PRDM4: variants seen among roughly 807,000 people sequenced by gnomAD.
PRDM4 encodes PR/SET domain 4.
In PRDM4, 38 loss-of-function variants were observed where a neutral mutation model predicts 62.3. The observed-to-expected ratio is 0.61, with a 90% confidence interval of 0.47 to 0.80. The LOEUF (loss-of-function observed/expected upper bound fraction) is 0.80, where lower values mean the gene tolerates loss of function less well. PRDM4 is among the 30% of genes least tolerant of loss of function. The pLI is 0.00. For missense variants in PRDM4, 858 were observed against 997.1 expected, an observed-to-expected ratio of 0.86 and a Z score of 1.88; for synonymous variants, 339 against 348.2, an observed-to-expected ratio of 0.97 and a Z score of 0.30.
intron 5 of PRDM4, 113 bp from the exon 6 acceptor site, chr12:107,746,537 T>C (rs1260538835): frequency 8.7e-6 from 9 of 1,033,362 alleles, no homozygotes; most frequent in Non-Finnish European, 1.2e-5. Flanking sequence ...CAGGCTGGAG[T>C]GCAATGGCGC....
At chr12:107,734,605 C>G in intron 11 of PRDM4, 83 bp from the exon 12 acceptor site, 1 of 1,337,386 alleles carries the variant, frequency 7.5e-7, no homozygotes, top group South Asian at 1.4e-5. Flanking sequence ...AGCCGCAGGC[C>G]TTTGTCAGAG....
intron 9 of PRDM4, among the ~76,000 whole-genome samples, chr12:107,741,650 G>A (rs1334199164): frequency 6.6e-6 from 1 of 152,142 alleles, no homozygotes; most frequent in Non-Finnish European, 1.5e-5. Context: ...CCCAGGAGTT[G>A]AAGGTTATAG....
intron 6 of PRDM4, among the ~76,000 whole-genome samples, chr12:107,745,187 T>C (rs1271566027): frequency 2.0e-5 from 3 of 152,208 alleles, no homozygotes; most frequent in African/African-American, 7.2e-5. Context: ...CAATAAATGC[T>C]GAGTAAGAAG....
intron 5 of PRDM4, among the ~76,000 whole-genome samples, chr12:107,746,808 T>C (rs1381565246): frequency 6.6e-6 from 1 of 152,146 alleles, no homozygotes; most frequent in African/African-American, 2.4e-5. Flanking sequence ...TAAATGCTAA[T>C]TACTAAAATG....
At chr12:107,756,127 G>A (rs1169737563) in intron 3 of PRDM4, among the ~76,000 whole-genome samples, 2 of 151,846 alleles carry the variant, frequency 1.3e-5, no homozygotes, top group Non-Finnish European at 2.9e-5. Context: ...AGGTGTAGGG[G>A]TGCATGCCTA....
intron 8 of PRDM4, among the ~76,000 whole-genome samples, chr12:107,742,788 G>C (rs796674109): frequency 7.4e-6 from 1 of 134,456 alleles, no homozygotes; most frequent in African/African-American, 2.7e-5. Context: ...TTTTGAGACA[G>C]AATCTCACTT....
Position 107,760,581 on chromosome 12 carries a change from G to C in PRDM4, c.-66C>G. 2 of 1,591,382 alleles carry C rather than the reference G, an allele frequency of 1.3e-6. No individual in the cohort carries two copies. Among genetic ancestry groups the C allele is most frequent in the South Asian group, 1.1e-5 (1 of 88,858 alleles). ...GTGGGGAACAGGCATCAGGGTTTGC[G>C]TTCCAGGGTCACGTGCTACCACATC... On this transcript the variant is annotated 5_prime_UTR_variant, in exon 2 of 12. Transcript: ENST00000228437.
In PRDM4 at chr12:107,740,945, C is replaced by A. The variant is rs1437861591; in HGVS notation, c.1924+1G>T. ...CATTCTGATGGGCCAACACAACTTA[C>A]CTGTATGTATCTTGAGGTGGGTCCG... On this transcript the variant is annotated splice_donor_variant, in intron 10 of 11. Transcript: ENST00000228437. LOFTEE classifies it high-confidence loss of function. 2 of 1,611,882 alleles carry A rather than the reference C, an allele frequency of 1.2e-6. No homozygotes were observed. The highest frequency in any genetic ancestry group is 1.7e-6 in the Non-Finnish European group (2 of 1,178,496).
At position 107,741,259 on chromosome 12, in the gene PRDM4, A is replaced by T. The variant is rs1344013191; in HGVS notation, c.1611T>A (p.Gly537=). 1.3e-6 allele frequency: 2 copies of T among 1,597,992 alleles called. No homozygotes were observed. Among genetic ancestry groups the T allele is most frequent in the Non-Finnish European group, 1.7e-6 (2 of 1,169,466 alleles). ...GATGCACATCTGGGTGTTCAGGAAC[A>T]CCTTTTAAAAAAAAATTACTCATTA... ...YYSRDYAQQI[G]VPEHPDVHLC... The change falls in exon 10 of 12, where the codon GGT becomes GGA. Residue 537 remains glycine, a splice_region_variant and synonymous_variant. Coordinates refer to ENST00000228437, the MANE Select transcript of PRDM4 (RefSeq NM_012406.4).
intron 11 of PRDM4, among the ~76,000 whole-genome samples, chr12:107,737,545 T>C (rs1042620277): frequency 5.3e-5 from 8 of 152,230 alleles, no homozygotes; most frequent in African/African-American, 1.4e-4. Flanking sequence ...GGATAGAGGC[T>C]GATATCGACT....
Position 107,733,507 on chromosome 12 carries a change from G to C in PRDM4, c.*703C>G, listed in dbSNP as rs560938867. 1 of 152,392 alleles carries C rather than the reference G, an allele frequency of 6.6e-6. No individual in the cohort carries two copies. Among genetic ancestry groups the C allele is most frequent in the African/African-American group, 2.4e-5 (1 of 41,556 alleles). The allele number at this position is 152,392 out of a possible 1,614,324, so 9.4% of individuals were successfully genotyped here. A position where few individuals can be genotyped will look rare whatever the true frequency, so the allele number is the denominator to read the frequency against. On this transcript the variant is annotated 3_prime_UTR_variant, in exon 12 of 12. Transcript: ENST00000228437. The stretch of plus-strand genomic sequence containing the variant: ...CCACGTTACAATAACCAGGTGACTT[G>C]CTCAGGCTTCCATCAAAGCTAATTT...
rs1233630797 is a variant in PRDM4 at position 107,760,600 on chromosome 12, C to T, written c.-85G>A. 6.5e-7 allele frequency: 1 copy of T among 1,539,782 alleles called. No individual in the cohort carries two copies. The highest frequency in any genetic ancestry group is 1.4e-5 in the African/African-American group (1 of 72,792). Reference sequence around the variant, plus strand: ...GTTTGCGTTCCAGGGTCACGTGCTACCACATCTTGCTCACAACCGCTGCAC... The same window carrying T: ...GTTTGCGTTCCAGGGTCACGTGCTATCACATCTTGCTCACAACCGCTGCAC... On this transcript the variant is annotated 5_prime_UTR_variant, in exon 2 of 12. An upstream open reading frame in the 5' UTR gains an earlier in-frame stop. Coordinates refer to ENST00000228437, the MANE Select transcript of PRDM4 (RefSeq NM_012406.4).
In PRDM4 at chr12:107,755,115, T is replaced by C. The variant is rs570154898; in HGVS notation, c.146-1006A>G. 2.0e-5 allele frequency among the ~76,000 whole-genome samples: 3 copies of C among 152,310 alleles called. No homozygotes were observed. In the East Asian group the frequency reaches 5.8e-4, roughly 29 times the overall value. On this transcript the variant is annotated intron_variant, in intron 3 of 11. Coordinates refer to ENST00000228437, the MANE Select transcript of PRDM4 (RefSeq NM_012406.4). ...ATTTTTTTTTTTTGAGACAAGGTTT[T>C]GCTATGTTGCCCAGGTTGGAGCGTA...
In PRDM4 at chr12:107,751,485, AAAAG is replaced by A; in HGVS notation, c.1052_1055del (p.Ser351LeufsTer43). 6.2e-7 allele frequency: 1 copy of A among 1,614,112 alleles called. No individual in the cohort carries two copies. The highest frequency in any genetic ancestry group is 8.5e-7 in the Non-Finnish European group (1 of 1,179,940). On this transcript the variant is annotated frameshift_variant, in exon 5 of 12. Transcript: ENST00000228437. LOFTEE classifies it high-confidence loss of function. ...CTTCCATTTGCAGTGAAGGTGATACAAAAGAAAGACTGTCTGAAGATACATCTAC... is the reference window on the plus strand; with the variant it reads ...CTTCCATTTGCAGTGAAGGTGATACAAAAGACTGTCTGAAGATACATCTAC...
At chr12:107,748,220 CTG>C (rs939899069) in intron 5 of PRDM4, among the ~76,000 whole-genome samples, 1 of 152,032 alleles carries the variant, frequency 6.6e-6, no homozygotes, top group African/African-American at 2.4e-5. Context: ...AAAAAATTAA[CTG>C]TTGGCAAAAA....
chr12:107,734,051 A>T lies in PRDM4; in HGVS notation c.*159T>A. On this transcript the variant is annotated 3_prime_UTR_variant, in exon 12 of 12. Transcript: ENST00000228437. ...TCTGTTTTAAAGTGTTTTCATTAGG[A>T]TACTCTTCTGTAAGTGCTTTATTCA... The T allele has an allele frequency of 1.4e-6, 1 of 723,990 alleles. No homozygotes were observed. The highest frequency in any genetic ancestry group is 2.2e-6 in the Non-Finnish European group (1 of 454,344). 44.8% of individuals were successfully genotyped at this position (723,990 alleles called of 1,614,324 possible).
At chr12:107,755,229 G>C (rs986091458) in intron 3 of PRDM4, among the ~76,000 whole-genome samples, 5 of 152,032 alleles carry the variant, frequency 3.3e-5, no homozygotes, top group African/African-American at 1.2e-4. Context: ...TACGTAGCTG[G>C]GACTACGGGT....
chr12:107,734,558 G>C, intron 11 of PRDM4, 36 bp from the exon 12 acceptor site: 1 of 1,569,158 alleles, frequency 6.4e-7, no homozygotes, highest in Non-Finnish European at 8.7e-7. Context: ...TTGATTTGGG[G>C]TTACAAATAA....
chr12:107,751,519 C>T lies in PRDM4; in HGVS notation c.1022G>A (p.Gly341Asp), dbSNP rs1890893441. Residue 341 changes from glycine to aspartate, a missense_variant, in exon 5 of 12, where the codon GGT (glycine) becomes GAT (aspartate). By Grantham distance (94) the Gly-to-Asp change is moderately conservative. Around this residue, in one of 3 missense-constraint regions of PRDM4, gnomAD observed 499 missense variants for 546.7 expected, o/e 0.91. Transcript: ENST00000228437. ...ACTGTCTGAAGATACATCTACATGA[C>T]CTGTCCCCATAGCAACCTCCTGGGT... Reference protein sequence around the residue: ...SITQEVAMGTGHVDVSSDSLS... With the variant: ...SITQEVAMGTDHVDVSSDSLS... The T allele has an allele frequency of 6.2e-7, 1 of 1,613,048 alleles. No individual in the cohort carries two copies.
Sources: gnomAD v4.1 joint callset for allele counts (sites outside exome capture counted in the v4.1 genomes callset) on GRCh38, gnomAD v4.1.1 for gene constraint, gnomAD v4.1.1 regional missense constraint, MANE v1.5 for transcripts, NCBI Gene and HGNC (gene_info 2026-07-23, HGNC 2026-07-21) for gene names.